Variants in TENM2 observed in about 807,000 individuals in gnomAD.
TENM2 encodes teneurin transmembrane protein 2.
TENM2 carries 52 observed loss-of-function variants against 245.2 expected under a neutral mutation model. The observed-to-expected ratio is 0.21, with a 90% CI of 0.17 to 0.27. The LOEUF is 0.27. Among genes scored for constraint, TENM2 ranks in the 10% least tolerant of loss-of-function variants. TENM2 has a pLI of 1.00. For missense variants in TENM2, 3,046 were observed against 3,666.8 expected (o/e 0.83, Z 4.37); for synonymous variants, 1,363 against 1,438.9 (o/e 0.95, Z 1.19).
the TENM2 span, among the ~76,000 whole-genome samples, chr5:167,203,662 A>C: frequency 1.3e-5 from 2 of 152,202 alleles, no homozygotes. Flanking sequence ...CTTTTCATGG[A>C]GCTCTCTTTG....
At chr5:167,585,146 G>T (rs1461079824) in intron 2 of TENM2, among the ~76,000 whole-genome samples, 1 of 152,114 alleles carries the variant, frequency 6.6e-6, no homozygotes, top group Non-Finnish European at 1.5e-5. Flanking sequence ...GTGTCCTAGG[G>T]CATCATCCTT....
At chr5:168,065,232 T>C (rs879891970) in intron 7 of TENM2, among the ~76,000 whole-genome samples, 1 of 152,218 alleles carries the variant, frequency 6.6e-6, no homozygotes, top group African/African-American at 2.4e-5. Flanking sequence ...CAAGGTTTAG[T>C]ATCCTTGTCC....
intron 2 of TENM2, among the ~76,000 whole-genome samples, chr5:167,546,561 G>T (rs1562044158): frequency 6.6e-6 from 1 of 152,150 alleles, no homozygotes; most frequent in Non-Finnish European, 1.5e-5. Flanking sequence ...GTGACAGAAG[G>T]TTGCACAGAA....
In TENM2 at chr5:168,040,303, T is replaced by A. The variant is rs536304614; in HGVS notation, c.1187-7124T>A. On this transcript the variant is annotated intron_variant, in intron 5 of 28. Transcript: ENST00000518659. ...AGGTGAGTTTCTCCAATGCCCCCTC[T>A]CATTTTGATGATCTTGCCACGATTC... Among the ~76,000 whole-genome samples, 8 of 152,322 alleles carry A rather than the reference T, an allele frequency of 5.3e-5. No individual in the cohort carries two copies. In the South Asian group the frequency reaches 1.7e-3, roughly 32 times the overall value.
intron 2 of TENM2, among the ~76,000 whole-genome samples, chr5:167,839,418 C>T (rs1769280647): frequency 6.6e-6 from 1 of 152,144 alleles, no homozygotes; most frequent in Non-Finnish European, 1.5e-5. Context: ...GTGAACCTGT[C>T]ATATGACATT....
chr5:167,700,324 T>C (rs1189323560), intron 2 of TENM2, among the ~76,000 whole-genome samples: 1 of 152,192 alleles, frequency 6.6e-6, no homozygotes, highest in Non-Finnish European at 1.5e-5. Context: ...TCTGGGGACC[T>C]GCTAAGTACT....
intron 5 of TENM2, among the ~76,000 whole-genome samples, chr5:168,019,879 A>C (rs1343391510): frequency 6.6e-6 from 1 of 152,240 alleles, no homozygotes; most frequent in Non-Finnish European, 1.5e-5. Context: ...CTTTAAAAGC[A>C]CCCACTTCTT....
At chr5:167,473,536 A>C in intron 2 of TENM2, among the ~76,000 whole-genome samples, 1 of 152,224 alleles carries the variant, frequency 6.6e-6, no homozygotes, top group East Asian at 1.9e-4. Flanking sequence ...TTATTGCCGT[A>C]TATTCTACCT....
Position 167,457,873 on chromosome 5 carries a change from G to C in TENM2, c.502+82400G>C, listed in dbSNP as rs563164703. On this transcript the variant is annotated intron_variant, in intron 2 of 28. Transcript: ENST00000518659. Reference sequence around the variant, plus strand: ...ACATCCCATTCCTAAGTCATTGAGAGAGTTTTTACTTTCCAGGAATCTTTT... The same window carrying C: ...ACATCCCATTCCTAAGTCATTGAGACAGTTTTTACTTTCCAGGAATCTTTT... 2.6e-5 allele frequency among the ~76,000 whole-genome samples: 4 copies of C among 152,154 alleles called. No homozygotes were observed. The South Asian group carries it at 8.3e-4, about 32-fold the overall frequency.
At chr5:167,794,686 A>C (rs142747283) in intron 2 of TENM2, among the ~76,000 whole-genome samples, 2 of 152,352 alleles carry the variant, frequency 1.3e-5, no homozygotes, top group South Asian at 2.1e-4. Flanking sequence ...CTTGGCACAA[A>C]GTTAGAAACA....
chr5:167,053,533 A>G, the TENM2 span, among the ~76,000 whole-genome samples: 3 of 152,288 alleles, frequency 2.0e-5, no homozygotes, highest in South Asian at 6.2e-4. Flanking sequence ...TATCAGCCGT[A>G]AAGAGTCTAT....
intron 2 of TENM2, among the ~76,000 whole-genome samples, chr5:167,382,353 G>A (rs780717799): frequency 6.6e-6 from 1 of 152,146 alleles, no homozygotes; most frequent in Non-Finnish European, 1.5e-5. Context: ...AGTGATACAC[G>A]AAGACCTCCA....
intron 1 of TENM2, among the ~76,000 whole-genome samples, chr5:167,329,551 CAAAAAAAAAAAAAA>C (rs34165505): frequency 4.6e-5 from 1 of 21,936 alleles, no homozygotes; most frequent in Admixed American, 8.9e-4. Context: ...GACTCAGTCT[CAAAAAAAAAAAAAA>C]AAAAAAAAAA....
At chr5:167,221,503 T>C in the TENM2 span, among the ~76,000 whole-genome samples, 2 of 152,194 alleles carry the variant, frequency 1.3e-5, no homozygotes, top group Non-Finnish European at 2.9e-5. Context: ...TGCTTTCCAT[T>C]GACTCTTGAC....
intron 2 of TENM2, among the ~76,000 whole-genome samples, chr5:167,411,882 C>CTGAA (rs35275814): frequency 0.67 from 101,197 of 151,362 alleles, 34,232 homozygotes; most frequent in Admixed American, 0.74. Flanking sequence ...TTTGTGTTGA[C>CTGAA]TGACTGCTGA....
At chr5:167,959,858 A>C (rs1442276684) in intron 4 of TENM2, among the ~76,000 whole-genome samples, 1 of 151,792 alleles carries the variant, frequency 6.6e-6, no homozygotes, top group African/African-American at 2.4e-5. Context: ...TTGGTCTTTG[A>C]TGTTGGTGAC....
At chr5:167,016,159 C>G in the TENM2 span, among the ~76,000 whole-genome samples, 4 of 150,844 alleles carry the variant, frequency 2.7e-5, no homozygotes, top group Non-Finnish European at 4.4e-5. Context: ...GAGGCTGACA[C>G]AGGAGAATAG....
At chr5:167,933,099 A>G (rs954513988) in intron 3 of TENM2, among the ~76,000 whole-genome samples, 1 of 152,224 alleles carries the variant, frequency 6.6e-6, no homozygotes, top group African/African-American at 2.4e-5. Context: ...GAGCACGGTC[A>G]GTGTTCTTGA....
chr5:167,393,673 A>G (rs1480487941), intron 2 of TENM2, among the ~76,000 whole-genome samples: 2 of 152,150 alleles, frequency 1.3e-5, no homozygotes, highest in African/African-American at 4.8e-5. Context: ...AAGCATCCAG[A>G]CAGAGTTTTG....
Sources: gnomAD v4.1 joint callset for allele counts (sites outside exome capture counted in the v4.1 genomes callset) on GRCh38, gnomAD v4.1.1 for gene constraint, MANE v1.5 for transcripts, NCBI Gene and HGNC (gene_info 2026-07-23, HGNC 2026-07-21) for gene names.